Variants in RNF19B observed in about 807,000 individuals in gnomAD.
RNF19B encodes the protein ring finger protein 19B.
Under a neutral mutation model 65.5 loss-of-function variants are expected in RNF19B, and 23 were observed. That is an observed-to-expected ratio of 0.35 (90% CI 0.25 to 0.50). The LOEUF (loss-of-function observed/expected upper bound fraction) is 0.50, where lower values mean the gene tolerates loss of function less well. Among genes scored for constraint, RNF19B ranks in the 20% least tolerant of loss-of-function variants. The pLI is 0.98. For missense variants in RNF19B, 794 were observed against 980.0 expected, an observed-to-expected ratio of 0.81 and a Z score of 2.53; for synonymous variants, 372 against 379.6, an observed-to-expected ratio of 0.98 and a Z score of 0.23.
chr1:32,945,696 G>A, intron 4 of RNF19B, 68 bp from the exon 5 acceptor site: 3 of 870,820 alleles, frequency 3.4e-6, no homozygotes, highest in Non-Finnish European at 5.7e-6. Context: ...AGAAAAAAAG[G>A]ACAGGTGAAT....
intron 8 of RNF19B, 184 bp from the exon 9 acceptor site, chr1:32,937,443 G>A (rs1359689300): frequency 1.1e-6 from 1 of 951,872 alleles, no homozygotes; most frequent in Non-Finnish European, 1.6e-6. Context: ...TGGACGTGGT[G>A]GCTCATGCCT....
chr1:32,964,524 G>A lies in RNF19B; in HGVS notation c.162C>T (p.Ala54=). ...RGRRARAKPQ[A]EPPPPAAQPP... is the part of the protein sequence containing the mutation. ...GCTGCGCAGCCGGGGGCGGCGGCTC[G>A]GCCTGCGGCTTGGCCCGGGCGCGGC... Residue 54 remains alanine (A), a synonymous_variant, in exon 1 of 9, where the codon GCC becomes GCT. Coordinates refer to ENST00000235150, the MANE Select transcript of RNF19B (RefSeq NM_001300826.2). This position sits in a 1 kb window ranked among gnomAD's most constrained non-coding sequence, Gnocchi z 6.5. 1 of 1,039,244 alleles carries A rather than the reference G, an allele frequency of 9.6e-7. No homozygotes were observed. Among genetic ancestry groups the A allele is most frequent in the Non-Finnish European group, 1.2e-6 (1 of 862,930 alleles). 64.4% of individuals were successfully genotyped at this position (1,039,244 alleles called of 1,614,324 possible).
intron 1 of RNF19B, among the ~76,000 whole-genome samples, chr1:32,951,009 T>G (rs1226429814): frequency 6.6e-6 from 1 of 152,048 alleles, no homozygotes; most frequent in Non-Finnish European, 1.5e-5. Context: ...GCAGCTAATT[T>G]TTGTATTTTT....
chr1:32,948,285 G>A lies in RNF19B; in HGVS notation c.920C>T (p.Ala307Val), dbSNP rs777397694. The change falls in exon 3 of 9, where the codon GCA (alanine) becomes GTA (valine). Residue 307 changes from alanine (A) to valine (V), a missense_variant. Physicochemically the swap from Ala to Val is moderately conservative, Grantham distance 64. Coordinates refer to ENST00000235150, the MANE Select transcript of RNF19B (RefSeq NM_001300826.2). ...CCAACAGAATTCACAGCCACACACT[G>A]CACAGGTCATGTGATTACAGCTTCC... is the stretch of plus-strand genomic sequence containing the variant. ...NDGSCNHMTC[A>V]VCGCEFCWLC... The A allele has an allele frequency of 4.6e-5, 74 of 1,613,910 alleles. No individual in the cohort carries two copies. Among genetic ancestry groups the A allele is most frequent in the Non-Finnish European group, 6.0e-5 (71 of 1,179,962 alleles).
intron 8 of RNF19B, among the ~76,000 whole-genome samples, chr1:32,937,875 C>T (rs1052794167): frequency 3.9e-5 from 6 of 151,926 alleles, no homozygotes; most frequent in African/African-American, 1.5e-4. Flanking sequence ...AGGGTCAGAG[C>T]CCCATGCTAG....
intron 4 of RNF19B, 104 bp downstream of exon 4, chr1:32,946,297 TG>T: frequency 1.1e-6 from 1 of 883,934 alleles, no homozygotes; most frequent in South Asian, 1.7e-5. Flanking sequence ...AAGAACCAGC[TG>T]GTTTTCAGGC....
intron 1 of RNF19B, among the ~76,000 whole-genome samples, chr1:32,954,840 G>C (rs1642597024): frequency 6.6e-6 from 1 of 151,812 alleles, no homozygotes; most frequent in African/African-American, 2.4e-5. Context: ...TTCTAAAACT[G>C]CATGTGAGAC....
chr1:32,942,863 G>A (rs924724525), intron 6 of RNF19B, among the ~76,000 whole-genome samples: 3 of 152,136 alleles, frequency 2.0e-5, no homozygotes, highest in Admixed American at 6.5e-5. Context: ...AAAACCGGCC[G>A]GGCGCGGTGG....
At chr1:32,949,915 TAC>T in intron 1 of RNF19B, 141 bp from the exon 2 acceptor site, 1 of 640,740 alleles carries the variant, frequency 1.6e-6, no homozygotes, top group South Asian at 1.9e-5. Context: ...TACACACATA[TAC>T]ACACACAAGC....
intron 7 of RNF19B, among the ~76,000 whole-genome samples, chr1:32,940,853 C>T (rs1313061488): frequency 6.6e-6 from 1 of 152,210 alleles, no homozygotes; most frequent in Non-Finnish European, 1.5e-5. Context: ...CAAAGCTTTA[C>T]ATATTTTCAA....
intron 1 of RNF19B, among the ~76,000 whole-genome samples, chr1:32,953,782 C>CA (rs1356828408): frequency 6.6e-6 from 1 of 151,740 alleles, no homozygotes; most frequent in Non-Finnish European, 1.5e-5. Flanking sequence ...AGCACTAAGT[C>CA]AACTTCTAAA....
Position 32,946,523 on chromosome 1 carries a change from C to T in RNF19B, c.1025G>A (p.Arg342His), listed in dbSNP as rs201225036. The part of the protein sequence containing the change: ...CTFWGKKPWS[R>H]KKKILWQLGT... ...CAGCTGCCAAAGAATTTTCTTCTTA[C>T]GGCTCCATGGCTTCTTGCCCCAGAA... The change falls in exon 4 of 9, where the codon CGT becomes CAT. Residue 342 changes from arginine to histidine, a missense_variant. Physicochemically the swap from Arg to His is conservative, Grantham distance 29. Coordinates refer to ENST00000235150, the MANE Select transcript of RNF19B (RefSeq NM_001300826.2). The T allele has an allele frequency of 3.7e-6, 6 of 1,613,938 alleles. No individual in the cohort carries two copies. The highest frequency in any genetic ancestry group is 2.2e-5 in the East Asian group (1 of 44,894).
In RNF19B at chr1:32,964,689, C is replaced by T. The variant is rs1031485499; in HGVS notation, c.-4G>A. On this transcript the variant is annotated 5_prime_UTR_variant, in exon 1 of 9. Transcript: ENST00000235150. The surrounding 1 kb of genome is among the most constrained non-coding windows in gnomAD (Gnocchi z 6.5). ...CGGAGTCCTTCTCGGAGCCCATGGC[C>T]GGCAGAGGCCGAGGAGCCAGGGGCG... 3 of 1,459,032 alleles carry T rather than the reference C, an allele frequency of 2.1e-6. No individual in the cohort carries two copies. Among genetic ancestry groups the T allele is most frequent in the African/African-American group, 1.5e-5 (1 of 67,398 alleles). The allele number at this position is 1,459,032 out of a possible 1,614,324, so 90.4% of individuals were successfully genotyped here. A position where few individuals can be genotyped will look rare whatever the true frequency, so the allele number is the denominator to read the frequency against.
In RNF19B at chr1:32,949,572, G is replaced by T; in HGVS notation, c.838C>A (p.Pro280Thr). ...ATGAGATAATGCCAACTTATACCTGGTCCAGATTCTTGCCCATAACTGAGA... is the reference window on the plus strand; with the variant it reads ...ATGAGATAATGCCAACTTATACCTGTTCCAGATTCTTGCCCATAACTGAGA... ...SGLSYGQESG[P>T]DDIKPCPRCS... The change falls in exon 2 of 9, where the codon CCA (proline) becomes ACA (threonine). Residue 280 changes from proline (P) to threonine (T), a missense_variant. By Grantham distance (38) the Pro-to-Thr change is conservative. This residue lies in a region of RNF19B where 374 missense variants were observed against 423.8 expected (regional missense o/e 0.88). Transcript: ENST00000235150. 6.2e-7 allele frequency: 1 copy of T among 1,613,754 alleles called. No individual in the cohort carries two copies. The highest frequency in any genetic ancestry group is 8.5e-7 in the Non-Finnish European group (1 of 1,179,838).
intron 6 of RNF19B, among the ~76,000 whole-genome samples, chr1:32,943,548 G>A (rs1472655187): frequency 2.6e-5 from 4 of 151,970 alleles, no homozygotes; most frequent in South Asian, 2.1e-4. Flanking sequence ...CCTGGGAGGC[G>A]GAGGTTGCAG....
At chr1:32,933,009 T>C (rs935481919), downstream of RNF19B, among the ~76,000 whole-genome samples, 2 of 152,216 alleles carry the variant, frequency 1.3e-5, no homozygotes, top group Non-Finnish European at 1.5e-5. Flanking sequence ...AGGACCAACC[T>C]GGTCATGTCA....
chr1:32,958,594 T>A (rs898519174), intron 1 of RNF19B, among the ~76,000 whole-genome samples: 2 of 151,928 alleles, frequency 1.3e-5, no homozygotes, highest in Admixed American at 6.6e-5. Context: ...CAGGTGCCTG[T>A]AGTCCCAGCT....
downstream of RNF19B, among the ~76,000 whole-genome samples, chr1:32,932,725 T>A (rs1642042008): frequency 6.6e-6 from 1 of 152,080 alleles, no homozygotes; most frequent in Non-Finnish European, 1.5e-5. Context: ...CCCAAAGAAA[T>A]CTAAAATTTC....
At position 32,964,295 on chromosome 1, in the gene RNF19B, C is replaced by T; in HGVS notation, c.391G>A (p.Ala131Thr). 2.0e-6 allele frequency: 3 copies of T among 1,521,804 alleles called. No individual in the cohort carries two copies. Among genetic ancestry groups the T allele is most frequent in the South Asian group, 2.4e-5 (2 of 81,810 alleles). 94.3% of individuals were successfully genotyped at this position (1,521,804 alleles called of 1,614,324 possible). ...TGCGGACAGCTGAGGAGGCGCGGGG[C>T]CCGCTCAGGCGGCAGCCGCACCAGG... ...LCLVRLPPER[A>T]PRLLSCPHRS... Residue 131 changes from alanine to threonine, a missense_variant, in exon 1 of 9, where the codon GCC becomes ACC. By Grantham distance (58) the Ala-to-Thr change is moderately conservative. Around this residue, in one of 3 missense-constraint regions of RNF19B, gnomAD observed 374 missense variants for 423.8 expected, o/e 0.88. Transcript: ENST00000235150. The surrounding 1 kb of genome is among the most constrained non-coding windows in gnomAD (Gnocchi z 6.5).
Sources: allele counts gnomAD v4.1 joint callset (sites outside exome capture counted in the v4.1 genomes callset), GRCh38; gene constraint gnomAD v4.1.1; regional missense constraint gnomAD v4.1.1; non-coding constraint Gnocchi (gnomAD v3.1); transcripts MANE v1.5; gene names NCBI Gene and HGNC (gene_info 2026-07-23, HGNC 2026-07-21).